Variants in PRR5L observed in about 807,000 individuals in gnomAD.
The protein encoded by PRR5L is proline rich 5 like.
Under a neutral mutation model 36.4 loss-of-function variants are expected in PRR5L, and 21 were observed. The observed-to-expected ratio is 0.58, with a 90% CI of 0.41 to 0.83. PRR5L has a LOEUF of 0.83. Ranked by LOEUF, PRR5L falls within the 40% of genes least tolerant of loss-of-function variation. The pLI is 0.00. For missense variants in PRR5L, 381 were observed against 473.3 expected, an observed-to-expected ratio of 0.80 and a Z score of 1.81; for synonymous variants, 188 against 197.0, an observed-to-expected ratio of 0.95 and a Z score of 0.38.
intron 1 of PRR5L, among the ~76,000 whole-genome samples, chr11:36,335,826 T>A (rs961206134): frequency 6.6e-6 from 1 of 152,246 alleles, no homozygotes; most frequent in African/African-American, 2.4e-5. Context: ...TCTTTATAAA[T>A]ATTTTCTTAT....
intron 1 of PRR5L, among the ~76,000 whole-genome samples, chr11:36,302,868 A>C (rs896102910): frequency 6.6e-6 from 1 of 152,240 alleles, no homozygotes; most frequent in Admixed American, 6.5e-5. Flanking sequence ...CCCTGTTTTA[A>C]GCACTTCATC....
chr11:36,383,154 T>C (rs111764312), intron 1 of PRR5L, among the ~76,000 whole-genome samples: 1 of 152,212 alleles, frequency 6.6e-6, no homozygotes, highest in African/African-American at 2.4e-5. Context: ...GGGGGCCAAG[T>C]GGGATAACAT....
At position 36,360,559 on chromosome 11, in the gene PRR5L, C is replaced by T. The variant is rs578158336; in HGVS notation, c.-125-40438C>T. ...AAAGGGGTATGTGCACATGTAACAT[C>T]GCACATGTAACACACACACCCACAT... On this transcript the variant is annotated intron_variant, in intron 1 of 8. Transcript: ENST00000530639. 4.3e-4 allele frequency among the ~76,000 whole-genome samples: 66 copies of T among 152,078 alleles called. No homozygotes were observed. The South Asian group carries it at 7.9e-3, about 18-fold the overall frequency.
At chr11:36,357,906 C>T (rs74325576) in intron 1 of PRR5L, among the ~76,000 whole-genome samples, 9,835 of 152,270 alleles carry the variant, frequency 0.065, 358 homozygotes, top group Middle Eastern at 0.095. Context: ...AAGGCTAAAG[C>T]TGTCATAGAT....
At chr11:36,300,745 G>T (rs1434997809) in intron 1 of PRR5L, among the ~76,000 whole-genome samples, 2 of 152,154 alleles carry the variant, frequency 1.3e-5, no homozygotes, top group Non-Finnish European at 2.9e-5. Context: ...CTTAGGAAAG[G>T]GAAAGCTACA....
chr11:36,304,557 C>T (rs1344187669), intron 1 of PRR5L, among the ~76,000 whole-genome samples: 3 of 152,150 alleles, frequency 2.0e-5, no homozygotes, highest in Non-Finnish European at 4.4e-5. Flanking sequence ...AATGGTCCTT[C>T]CTCATTCTTT....
intron 1 of PRR5L, among the ~76,000 whole-genome samples, chr11:36,328,193 G>T (rs549474633): frequency 1.3e-5 from 2 of 152,114 alleles, no homozygotes; most frequent in Non-Finnish European, 2.9e-5. Context: ...AAGAGGGAGA[G>T]AAGAACACTT....
At chr11:36,428,893 T>C (rs1490040589) in intron 4 of PRR5L, among the ~76,000 whole-genome samples, 1 of 152,238 alleles carries the variant, frequency 6.6e-6, no homozygotes, top group Non-Finnish European at 1.5e-5. Context: ...AATGTATAGA[T>C]GATTCTTAAG....
intron 1 of PRR5L, chr11:36,396,073 T>C: frequency 6.6e-6 from 1 of 152,172 alleles, no homozygotes; most frequent in Non-Finnish European, 1.5e-5. Flanking sequence ...GTATAAACTT[T>C]TAAAGTATGT....
At position 36,405,678 on chromosome 11, in the gene PRR5L, G is replaced by A. The variant is rs531623248; in HGVS notation, c.245+2300G>A. Among the ~76,000 whole-genome samples the A allele has an allele frequency of 1.2e-4, 19 of 152,284 alleles. No individual in the cohort carries two copies. In the South Asian group the frequency reaches 1.9e-3, roughly 15 times the overall value. The stretch of plus-strand genomic sequence containing the variant: ...ACTTAGATACCTGTAGTAGTCTACC[G>A]GGGCTGCCATAACAAATACCATAGA... On this transcript the variant is annotated intron_variant, in intron 3 of 8. Coordinates refer to ENST00000530639, the MANE Select transcript of PRR5L (RefSeq NM_001160167.2).
chr11:36,350,172 G>A (rs534868307), intron 1 of PRR5L: 1 of 143,014 alleles, frequency 7.0e-6, no homozygotes, highest in South Asian at 2.3e-4. Flanking sequence ...GTGGGAGGGT[G>A]GGTGTGTGTG....
intron 1 of PRR5L, among the ~76,000 whole-genome samples, chr11:36,323,068 G>A (rs1356188812): frequency 6.6e-6 from 1 of 152,124 alleles, no homozygotes. Flanking sequence ...ACTGACAGAG[G>A]AGAAATTTTG....
chr11:36,398,789 ACAGTTTC>A (rs1857725563), intron 1 of PRR5L: 1 of 152,256 alleles, frequency 6.6e-6, no homozygotes, highest in Admixed American at 6.5e-5. Context: ...TCAGTGTCTT[ACAGTTTC>A]CTGGAGAAGT....
chr11:36,394,805 C>A (rs1857623449), intron 1 of PRR5L, among the ~76,000 whole-genome samples: 1 of 152,144 alleles, frequency 6.6e-6, no homozygotes, highest in African/African-American at 2.4e-5. Context: ...GCATCTTTTG[C>A]CATATAAGAT....
intron 1 of PRR5L, among the ~76,000 whole-genome samples, chr11:36,337,757 G>T (rs1399566930): frequency 6.6e-6 from 1 of 152,198 alleles, no homozygotes. Context: ...TCCAATGGTT[G>T]CCTGCTGCTC....
intron 1 of PRR5L, among the ~76,000 whole-genome samples, chr11:36,341,435 A>T (rs1205037378): frequency 1.3e-5 from 2 of 152,198 alleles, no homozygotes; most frequent in Non-Finnish European, 2.9e-5. Flanking sequence ...GGATGTAACA[A>T]TGGACAAGCC....
chr11:36,307,685 G>T (rs945251357), intron 1 of PRR5L, among the ~76,000 whole-genome samples: 5 of 152,146 alleles, frequency 3.3e-5, no homozygotes, highest in African/African-American at 1.2e-4. Flanking sequence ...GAAAGAATAC[G>T]CACAAATGTT....
chr11:36,316,380 G>C (rs770514571), intron 1 of PRR5L, among the ~76,000 whole-genome samples: 6 of 152,190 alleles, frequency 3.9e-5, no homozygotes, highest in African/African-American at 7.2e-5. Flanking sequence ...AATGGAGAAA[G>C]AGTAATTCAT....
intron 1 of PRR5L, among the ~76,000 whole-genome samples, chr11:36,320,239 C>CTTTTTT (rs34085047): frequency 3.2e-5 from 3 of 94,908 alleles, no homozygotes; most frequent in South Asian, 4.0e-4. Flanking sequence ...AACTGGGAAT[C>CTTTTTT]TTTTTTTTTT....
Sources: allele counts gnomAD v4.1 joint callset (sites outside exome capture counted in the v4.1 genomes callset), GRCh38; gene constraint gnomAD v4.1.1; transcripts MANE v1.5; gene names NCBI Gene and HGNC (gene_info 2026-07-23, HGNC 2026-07-21).